FSTL5: variants seen among roughly 807,000 people sequenced by gnomAD.
FSTL5 encodes follistatin-related protein 5.
Under a neutral mutation model 89.1 loss-of-function variants are expected in FSTL5, and 62 were observed. That is an observed-to-expected ratio of 0.70 (90% CI 0.57 to 0.86). FSTL5 has a LOEUF of 0.86. Among genes scored for constraint, FSTL5 ranks in the 40% least tolerant of loss-of-function variants. The pLI is 0.00. For synonymous variants in FSTL5, 383 were observed against 346.2 expected (o/e 1.11, Z -1.18); for missense variants, 1,057 against 1,001.6 (o/e 1.06, Z -0.75).
chr4:161,832,182 C>T (rs1178911475), intron 4 of FSTL5, among the ~76,000 whole-genome samples: 1 of 152,000 alleles, frequency 6.6e-6, no homozygotes, highest in Non-Finnish European at 1.5e-5. Context: ...CAATGACTAA[C>T]GAAGTTCCCA....
intron 7 of FSTL5, among the ~76,000 whole-genome samples, chr4:161,606,206 C>A (rs955664699): frequency 1.6e-4 from 24 of 151,718 alleles, no homozygotes; most frequent in Middle Eastern, 3.5e-3. Flanking sequence ...TCCAAGCTGA[C>A]CCCCAAATTT....
intron 4 of FSTL5, among the ~76,000 whole-genome samples, chr4:161,898,260 T>C (rs1733234166): frequency 6.6e-6 from 1 of 151,610 alleles, no homozygotes; most frequent in African/African-American, 2.4e-5. Flanking sequence ...TATGTATTTA[T>C]AGTAAGAATA....
intron 6 of FSTL5, among the ~76,000 whole-genome samples, chr4:161,679,784 T>C (rs910655955): frequency 6.6e-6 from 1 of 151,828 alleles, no homozygotes; most frequent in Non-Finnish European, 1.5e-5. Context: ...ATTGATCACA[T>C]ACTATGTGCT....
At chr4:161,412,282 C>T (rs928471834) in intron 15 of FSTL5, among the ~76,000 whole-genome samples, 2 of 152,014 alleles carry the variant, frequency 1.3e-5, no homozygotes, top group African/African-American at 4.8e-5. Context: ...TTTACAAATG[C>T]AATGCCATTC....
rs186284545 is a variant in FSTL5 at position 162,017,843 on chromosome 4, C to T, written c.160+15782G>A. 1.5e-3 allele frequency among the ~76,000 whole-genome samples: 233 copies of T among 152,202 alleles called. 1 individual carries two copies. Among genetic ancestry groups the T allele is most frequent in the Non-Finnish European group, 1.5e-3 (100 of 68,022 alleles). ...TTCCAGAGTCCCTTATTTAAACTTC[C>T]GTAAATGCAAATTTCCCTACTCCTT... On this transcript the variant is annotated intron_variant, in intron 3 of 15. Transcript: ENST00000306100.
intron 3 of FSTL5, among the ~76,000 whole-genome samples, chr4:161,969,217 T>A (rs1387597974): frequency 6.6e-6 from 1 of 152,166 alleles, no homozygotes; most frequent in Non-Finnish European, 1.5e-5. Flanking sequence ...TGTCATATGA[T>A]CTACTAAGTA....
intron 7 of FSTL5, among the ~76,000 whole-genome samples, chr4:161,650,630 A>C (rs1736305245): frequency 6.6e-6 from 1 of 152,186 alleles, no homozygotes; most frequent in Admixed American, 6.6e-5. Context: ...ATTTCATTGA[A>C]AACATGGTAT....
chr4:161,692,111 A>G lies in FSTL5; in HGVS notation c.728-35617T>C, dbSNP rs144232787. Among the ~76,000 whole-genome samples the G allele has an allele frequency of 2.3e-3, 357 of 151,950 alleles. 4 individuals carry two copies. Among genetic ancestry groups the G allele is most frequent in the African/African-American group, 8.3e-3 (344 of 41,454 alleles). ...TGTTTTCATGTATGACTTGCAGTAT[A>G]ATGTTGACTAGCAGTGGTGAAAGTG... is the stretch of plus-strand genomic sequence containing the variant. On this transcript the variant is annotated intron_variant, in intron 6 of 15. Coordinates refer to ENST00000306100, the MANE Select transcript of FSTL5 (RefSeq NM_020116.5).
intron 6 of FSTL5, among the ~76,000 whole-genome samples, chr4:161,673,718 A>C (rs1414109831): frequency 1.3e-5 from 2 of 151,944 alleles, no homozygotes; most frequent in African/African-American, 4.8e-5. Context: ...GTTTATTATT[A>C]ATTTTGTGAT....
In FSTL5 at chr4:161,656,371, C is replaced by A; in HGVS notation, c.851G>T (p.Arg284Met). The A allele has an allele frequency of 6.2e-7, 1 of 1,602,174 alleles. No individual in the cohort carries two copies. The highest frequency in any genetic ancestry group is 8.5e-7 in the Non-Finnish European group (1 of 1,170,860). The change falls in exon 7 of 16, where the codon AGG (arginine) becomes ATG (methionine). Residue 284 changes from arginine to methionine, a missense_variant. Arg to Met is a moderately conservative substitution (Grantham distance 91, BLOSUM62 -1). Around this residue, in one of 3 missense-constraint regions of FSTL5, gnomAD observed 980 missense variants for 903.2 expected, o/e 1.08. Coordinates refer to ENST00000306100, the MANE Select transcript of FSTL5 (RefSeq NM_020116.5). ...GTLRPPIIWKRNNIILNNLDL... is the reference protein window; with the variant it reads ...GTLRPPIIWKMNNIILNNLDL... Reference sequence around the variant, plus strand: ...TAAATTATTTAGAATAATATTGTTCCTTTTCCAGATAATGGGAGGTCTCAG... The same window carrying A: ...TAAATTATTTAGAATAATATTGTTCATTTTCCAGATAATGGGAGGTCTCAG...
At chr4:161,561,248 A>G (rs923047993) in intron 8 of FSTL5, among the ~76,000 whole-genome samples, 1 of 152,012 alleles carries the variant, frequency 6.6e-6, no homozygotes, top group Non-Finnish European at 1.5e-5. Context: ...ACAGATAAAT[A>G]TTTGTTACAG....
chr4:161,710,011 C>T (rs1159958139), intron 6 of FSTL5, among the ~76,000 whole-genome samples: 2 of 152,062 alleles, frequency 1.3e-5, no homozygotes, highest in African/African-American at 4.8e-5. Context: ...CTCTGTCACC[C>T]AGGGTGGAGT....
chr4:161,829,063 G>T (rs184781920), intron 4 of FSTL5, among the ~76,000 whole-genome samples: 1 of 149,158 alleles, frequency 6.7e-6, no homozygotes. Flanking sequence ...CAATGGTGGC[G>T]AATTTATGAG....
intron 2 of FSTL5, among the ~76,000 whole-genome samples, chr4:162,103,191 C>T (rs567818587): frequency 2.1e-3 from 323 of 152,252 alleles, no homozygotes; most frequent in African/African-American, 7.2e-3. Flanking sequence ...CAAAGCAATT[C>T]AGTCCAGTGA....
chr4:162,066,551 T>C (rs1210524190), intron 2 of FSTL5, among the ~76,000 whole-genome samples: 1 of 150,972 alleles, frequency 6.6e-6, no homozygotes, highest in Non-Finnish European at 1.5e-5. Context: ...CCGCACGCAT[T>C]AGGTATTTGT....
At chr4:161,839,794 T>C (rs1184045059) in intron 4 of FSTL5, among the ~76,000 whole-genome samples, 1 of 152,186 alleles carries the variant, frequency 6.6e-6, no homozygotes, top group African/African-American at 2.4e-5. Context: ...GGTGATTACA[T>C]AGTGTATGCA....
intron 8 of FSTL5, among the ~76,000 whole-genome samples, chr4:161,579,756 AAAAAAAG>A (rs753750711): frequency 0.37 from 52,608 of 141,290 alleles, 9,411 homozygotes; most frequent in Middle Eastern, 0.47. Flanking sequence ...AAAGAAAAAG[AAAAAAAG>A]AAAAAAAAAT....
At chr4:161,534,252 A>C (rs1731518710) in intron 10 of FSTL5, among the ~76,000 whole-genome samples, 1 of 152,192 alleles carries the variant, frequency 6.6e-6, no homozygotes, top group Non-Finnish European at 1.5e-5. Flanking sequence ...AGAGAAAGAA[A>C]TAAAAGACAT....
chr4:161,646,882 G>A lies in FSTL5; in HGVS notation c.894+9446C>T, dbSNP rs558894963. Among the ~76,000 whole-genome samples, 45 of 152,160 alleles carry A rather than the reference G, an allele frequency of 3.0e-4. 1 individual carries two copies. In the East Asian group the frequency reaches 6.6e-3, roughly 22 times the overall value. The stretch of plus-strand genomic sequence containing the variant: ...TTGTTTTTGCAATTGAGTTGTATGA[G>A]TTCTTTATTTTAATAGTAACCTTTT... On this transcript the variant is annotated intron_variant, in intron 7 of 15. Coordinates refer to ENST00000306100, the MANE Select transcript of FSTL5 (RefSeq NM_020116.5).
Sources: allele counts gnomAD v4.1 joint callset (sites outside exome capture counted in the v4.1 genomes callset), GRCh38; gene constraint gnomAD v4.1.1; regional missense constraint gnomAD v4.1.1; transcripts MANE v1.5; gene names NCBI Gene and HGNC (gene_info 2026-07-23, HGNC 2026-07-21).